Variants in ASIC5 observed in about 807,000 individuals in gnomAD.
ASIC5 encodes the protein acid sensing ion channel subunit family member 5.
A neutral mutation model predicts 51.2 loss-of-function variants in ASIC5; 52 were observed. The observed-to-expected ratio is 1.02, with a 90% CI of 0.81 to 1.28. The LOEUF (loss-of-function observed/expected upper bound fraction) is 1.28, where lower values mean the gene tolerates loss of function less well. Among genes scored for constraint, ASIC5 ranks in the 50% most tolerant of loss-of-function variants. ASIC5 has a pLI of 0.00. For missense variants in ASIC5, 635 were observed against 595.0 expected, an observed-to-expected ratio of 1.07 and a Z score of -0.70; for synonymous variants, 231 against 200.7, an observed-to-expected ratio of 1.15 and a Z score of -1.28.
At chr4:155,859,581 C>T (rs1330165404) in intron 2 of ASIC5, among the ~76,000 whole-genome samples, 1 of 152,008 alleles carries the variant, frequency 6.6e-6, no homozygotes, top group Non-Finnish European at 1.5e-5. Context: ...ATCAGCAGAC[C>T]TGTCCAGTTT....
At chr4:155,833,077 A>G (rs897099889) in intron 8 of ASIC5, among the ~76,000 whole-genome samples, 4 of 152,190 alleles carry the variant, frequency 2.6e-5, no homozygotes, top group Non-Finnish European at 5.9e-5. Context: ...ACAGGAGTGC[A>G]GCAAGGCAGG....
intron 6 of ASIC5, among the ~76,000 whole-genome samples, chr4:155,841,185 G>C (rs2111236477): frequency 6.6e-6 from 1 of 152,250 alleles, no homozygotes; most frequent in South Asian, 2.1e-4. Flanking sequence ...AATCAGCTCT[G>C]TCTAGGCAGC....
intron 8 of ASIC5, among the ~76,000 whole-genome samples, chr4:155,832,930 A>T (rs1203563285): frequency 6.6e-6 from 1 of 152,038 alleles, no homozygotes; most frequent in African/African-American, 2.4e-5. Context: ...GACTTTCCTG[A>T]CAATAATCCA....
intron 4 of ASIC5, among the ~76,000 whole-genome samples, chr4:155,844,146 C>T (rs1741183962): frequency 6.6e-6 from 1 of 151,986 alleles, no homozygotes; most frequent in African/African-American, 2.4e-5. Flanking sequence ...TGAAGCTGAC[C>T]TGGCCTGCAG....
chr4:155,841,560 A>G (rs1038010250), intron 6 of ASIC5, among the ~76,000 whole-genome samples: 2 of 152,118 alleles, frequency 1.3e-5, no homozygotes, highest in African/African-American at 4.8e-5. Context: ...CCTCTCACCC[A>G]TGGTTCTGGA....
At chr4:155,857,522 G>A (rs556430559) in intron 2 of ASIC5, among the ~76,000 whole-genome samples, 1 of 152,062 alleles carries the variant, frequency 6.6e-6, no homozygotes, top group Admixed American at 6.6e-5. Context: ...AACACAACTG[G>A]TAAGAGCCTA....
At chr4:155,852,119 C>T in intron 4 of ASIC5, 72 bp downstream of exon 4, 2 of 1,536,302 alleles carry the variant, frequency 1.3e-6, no homozygotes, top group Non-Finnish European at 1.8e-6. Context: ...CTGATATGGC[C>T]CAATAGTCTG....
chr4:155,839,966 A>G (rs975043435), intron 6 of ASIC5, among the ~76,000 whole-genome samples: 5 of 152,224 alleles, frequency 3.3e-5, no homozygotes, highest in African/African-American at 1.2e-4. Flanking sequence ...GAATTACCTC[A>G]GCGAATTTGT....
At chr4:155,847,100 A>G (rs1316244761) in intron 4 of ASIC5, among the ~76,000 whole-genome samples, 1 of 152,104 alleles carries the variant, frequency 6.6e-6, no homozygotes, top group Non-Finnish European at 1.5e-5. Flanking sequence ...GTCAAACCAG[A>G]AAGTTCAAGC....
At chr4:155,859,240 T>G (rs2110759739) in intron 2 of ASIC5, among the ~76,000 whole-genome samples, 1 of 152,216 alleles carries the variant, frequency 6.6e-6, no homozygotes, top group Admixed American at 6.5e-5. Context: ...AAAACAAAAA[T>G]ATGTCAGTGT....
At chr4:155,847,983 A>G (rs1193225767) in intron 4 of ASIC5, among the ~76,000 whole-genome samples, 3 of 152,104 alleles carry the variant, frequency 2.0e-5, no homozygotes, top group Admixed American at 1.3e-4. Flanking sequence ...TAACTCCTTA[A>G]TAAAGATCAT....
At chr4:155,847,267 T>A (rs1741272660) in intron 4 of ASIC5, among the ~76,000 whole-genome samples, 1 of 152,134 alleles carries the variant, frequency 6.6e-6, no homozygotes, top group Non-Finnish European at 1.5e-5. Context: ...GGTTATTACA[T>A]CCATGTATCT....
intron 5 of ASIC5, among the ~76,000 whole-genome samples, chr4:155,843,229 A>G (rs1741160903): frequency 1.3e-5 from 2 of 152,250 alleles, no homozygotes; most frequent in South Asian, 4.1e-4. Context: ...AAAGAAAAAT[A>G]TTACCCCTTC....
chr4:155,853,120 G>A (rs1015864096), intron 3 of ASIC5, among the ~76,000 whole-genome samples: 8 of 151,950 alleles, frequency 5.3e-5, no homozygotes, highest in Non-Finnish European at 1.0e-4. Flanking sequence ...ACAGAAATGG[G>A]TTTCTGTAAT....
At chr4:155,855,724 G>A (rs960390571) in intron 2 of ASIC5, among the ~76,000 whole-genome samples, 1 of 148,910 alleles carries the variant, frequency 6.7e-6, no homozygotes, top group Non-Finnish European at 1.5e-5. Context: ...ATCTATATGT[G>A]TGTGTATATA....
chr4:155,839,668 G>A (rs1466343291), intron 6 of ASIC5, among the ~76,000 whole-genome samples: 5 of 151,878 alleles, frequency 3.3e-5, no homozygotes, highest in Non-Finnish European at 7.4e-5. Context: ...GACAATTTGT[G>A]GAATGTTTGG....
At chr4:155,849,592 T>TAC in intron 4 of ASIC5, among the ~76,000 whole-genome samples, 1 of 152,230 alleles carries the variant, frequency 6.6e-6, no homozygotes, top group Middle Eastern at 3.4e-3. Context: ...AAAACTAGGG[T>TAC]ACACCTGTTG....
intron 4 of ASIC5, among the ~76,000 whole-genome samples, chr4:155,849,532 C>T (rs1313604234): frequency 6.6e-6 from 1 of 151,916 alleles, no homozygotes; most frequent in African/African-American, 2.4e-5. Context: ...ATTTTATGTC[C>T]TAATTAATCC....
intron 2 of ASIC5, chr4:155,855,265 T>A (rs991923547): frequency 9.9e-5 from 15 of 152,122 alleles, no homozygotes; most frequent in Non-Finnish European, 2.2e-4. Context: ...AGTGTTCTTT[T>A]AATGATTACA....
Sources: gnomAD v4.1 joint callset for allele counts (sites outside exome capture counted in the v4.1 genomes callset) on GRCh38, gnomAD v4.1.1 for gene constraint, MANE v1.5 for transcripts, NCBI Gene and HGNC (gene_info 2026-07-23, HGNC 2026-07-21) for gene names.